The following ZCCHC7 variants were observed in gnomAD, a reference collection of about 807,000 sequenced individuals.
ZCCHC7 encodes the protein zinc finger CCHC domain-containing protein 7.
A neutral mutation model predicts 52.0 loss-of-function variants in ZCCHC7; 35 were observed. That is an observed-to-expected ratio of 0.67 (90% CI 0.51 to 0.89). ZCCHC7 has a LOEUF of 0.89. Ranked by LOEUF, ZCCHC7 falls within the 40% of genes least tolerant of loss-of-function variation. The pLI, the probability that ZCCHC7 is intolerant of heterozygous loss-of-function variation, is 0.00. For missense variants in ZCCHC7, 574 were observed against 649.1 expected, an observed-to-expected ratio of 0.88 and a Z score of 1.26; for synonymous variants, 217 against 221.5, an observed-to-expected ratio of 0.98 and a Z score of 0.18.
At chr9:37,264,300 C>T (rs532996666) in intron 2 of ZCCHC7, among the ~76,000 whole-genome samples, 35 of 152,072 alleles carry the variant, frequency 2.3e-4, no homozygotes, top group Admixed American at 4.6e-4. Context: ...AAATAAAATG[C>T]GTTTAATTTT....
chr9:37,290,582 G>A (rs1334130151), intron 2 of ZCCHC7, among the ~76,000 whole-genome samples: 6 of 152,122 alleles, frequency 3.9e-5, no homozygotes, highest in Non-Finnish European at 8.8e-5. Context: ...TTTGCACCCG[G>A]GAGGCGGATG....
At chr9:37,241,964 A>C (rs1825892002) in intron 2 of ZCCHC7, among the ~76,000 whole-genome samples, 1 of 151,586 alleles carries the variant, frequency 6.6e-6, no homozygotes, top group South Asian at 2.1e-4. Context: ...GAAACATTGC[A>C]CCATTTTTTT....
intron 2 of ZCCHC7, among the ~76,000 whole-genome samples, chr9:37,238,972 A>G (rs1444234404): frequency 1.3e-5 from 2 of 152,188 alleles, no homozygotes; most frequent in East Asian, 1.9e-4. Flanking sequence ...TGTTTCTGCC[A>G]TATAGCTTAG....
rs912006613 is a variant in ZCCHC7 at position 37,207,835 on chromosome 9, G to T, written c.610+80893G>T. ...TAAAAAAATAATTTCTATTTCTCTGGTGTGATTTCCTATCTGTTTAATCAT... is the reference window on the plus strand; with the variant it reads ...TAAAAAAATAATTTCTATTTCTCTGTTGTGATTTCCTATCTGTTTAATCAT... On this transcript the variant is annotated intron_variant, in intron 2 of 8. Transcript: ENST00000336755. Among the ~76,000 whole-genome samples the T allele has an allele frequency of 9.9e-5, 15 of 151,434 alleles. No individual in the cohort carries two copies. In the South Asian group the frequency reaches 2.1e-3, roughly 21 times the overall value.
intron 6 of ZCCHC7, 50 bp downstream of exon 6, chr9:37,327,884 C>T (rs778419025): frequency 6.4e-7 from 1 of 1,573,714 alleles, no homozygotes; most frequent in Non-Finnish European, 8.7e-7. Flanking sequence ...CCTATTTACC[C>T]TTCTCTGAAC....
intron 2 of ZCCHC7, among the ~76,000 whole-genome samples, chr9:37,131,826 T>C (rs898947556): frequency 6.6e-6 from 1 of 152,212 alleles, no homozygotes; most frequent in Non-Finnish European, 1.5e-5. Flanking sequence ...TGAGACTGTA[T>C]ATACGTGACA....
At chr9:37,219,288 T>C (rs1824689073) in intron 2 of ZCCHC7, among the ~76,000 whole-genome samples, 1 of 152,220 alleles carries the variant, frequency 6.6e-6, no homozygotes, top group Non-Finnish European at 1.5e-5. Flanking sequence ...ATATTGTCCA[T>C]TATGCAGCAG....
At chr9:37,134,462 G>C (rs1443126916) in intron 2 of ZCCHC7, among the ~76,000 whole-genome samples, 1 of 151,998 alleles carries the variant, frequency 6.6e-6, no homozygotes, top group Non-Finnish European at 1.5e-5. Flanking sequence ...GTTTCACTTT[G>C]CTTTTGATAT....
At chr9:37,254,309 G>A (rs1826469315) in intron 2 of ZCCHC7, among the ~76,000 whole-genome samples, 1 of 152,034 alleles carries the variant, frequency 6.6e-6, no homozygotes, top group Non-Finnish European at 1.5e-5. Context: ...AAAGTTGGCT[G>A]ACATAAGAAA....
chr9:37,317,766 C>T (rs1829883994), intron 5 of ZCCHC7, among the ~76,000 whole-genome samples: 2 of 151,938 alleles, frequency 1.3e-5, no homozygotes, highest in Admixed American at 1.3e-4. Flanking sequence ...AGACCAAATA[C>T]ATCAATTATA....
chr9:37,342,434 G>C (rs1232041443), intron 6 of ZCCHC7, among the ~76,000 whole-genome samples: 1 of 152,212 alleles, frequency 6.6e-6, no homozygotes, highest in Non-Finnish European at 1.5e-5. Context: ...GCTGAAGATA[G>C]AATTTTAGAA....
At chr9:37,249,967 A>G (rs1387398253) in intron 2 of ZCCHC7, among the ~76,000 whole-genome samples, 1 of 152,208 alleles carries the variant, frequency 6.6e-6, no homozygotes, top group Non-Finnish European at 1.5e-5. Context: ...GAAAGGCAGC[A>G]TGGTATTGTG....
intron 6 of ZCCHC7, among the ~76,000 whole-genome samples, chr9:37,341,947 C>G (rs987563160): frequency 2.0e-5 from 3 of 151,952 alleles, no homozygotes; most frequent in Non-Finnish European, 4.4e-5. Flanking sequence ...AAATTACAGG[C>G]CATTGTAAAG....
intron 6 of ZCCHC7, among the ~76,000 whole-genome samples, chr9:37,348,390 C>CTTTCTTTCTTTCT (rs1554736711): frequency 2.3e-5 from 3 of 133,174 alleles, no homozygotes; most frequent in Admixed American, 8.3e-5. Flanking sequence ...TTCTTTCTTT[C>CTTTCTTTCTTTCT]TTTTTTGACA....
At chr9:37,177,142 C>G (rs187602012) in intron 2 of ZCCHC7, among the ~76,000 whole-genome samples, 19 of 152,166 alleles carry the variant, frequency 1.2e-4, no homozygotes, top group Non-Finnish European at 2.4e-4. Context: ...GAGTTTGAGA[C>G]GAGCCTGGCC....
At chr9:37,303,164 C>T (rs1829115360) in intron 3 of ZCCHC7, among the ~76,000 whole-genome samples, 1 of 152,102 alleles carries the variant, frequency 6.6e-6, no homozygotes, top group Admixed American at 6.5e-5. Flanking sequence ...GTGGCTCACA[C>T]CTGTAATCCC....
intron 2 of ZCCHC7, among the ~76,000 whole-genome samples, chr9:37,243,745 C>A (rs1727326408): frequency 6.6e-6 from 1 of 151,882 alleles, no homozygotes; most frequent in Non-Finnish European, 1.5e-5. Context: ...AGACTGCCAA[C>A]TGAAACCCTT....
chr9:37,231,236 G>A (rs1267709663), intron 2 of ZCCHC7, among the ~76,000 whole-genome samples: 1 of 152,118 alleles, frequency 6.6e-6, no homozygotes, highest in African/African-American at 2.4e-5. Flanking sequence ...ATGAGCCACC[G>A]CGCCTGGCCA....
At chr9:37,164,792 CT>C (rs1434586402) in intron 2 of ZCCHC7, among the ~76,000 whole-genome samples, 1 of 152,120 alleles carries the variant, frequency 6.6e-6, no homozygotes, top group Non-Finnish European at 1.5e-5. Context: ...TCCCAAACTC[CT>C]GGGTTCAAGA....
Sources: gnomAD v4.1 joint callset for allele counts (sites outside exome capture counted in the v4.1 genomes callset) on GRCh38, gnomAD v4.1.1 for gene constraint, MANE v1.5 for transcripts, NCBI Gene and HGNC (gene_info 2026-07-23, HGNC 2026-07-21) for gene names.